DIP2C: variants seen among roughly 807,000 people sequenced by gnomAD.
The protein encoded by DIP2C is DIP2 acetate--CoA ligase C (putative), also known as disco-interacting protein 2 homolog C.
Under a neutral mutation model 192.4 loss-of-function variants are expected in DIP2C, and 33 were observed. The observed-to-expected ratio is 0.17, with a 90% confidence interval of 0.13 to 0.23. The LOEUF (loss-of-function observed/expected upper bound fraction) is 0.23. Among genes scored for constraint, DIP2C ranks in the 10% least tolerant of loss-of-function variants. DIP2C has a pLI of 1.00. For synonymous variants in DIP2C, 979 were observed against 864.1 expected (o/e 1.13, Z -2.33); for missense variants, 1,537 against 2,110.1 (o/e 0.73, Z 5.32).
Position 626,484 on chromosome 10 carries a change from G to A in DIP2C, c.85+63010C>T, listed in dbSNP as rs375312460. ...GTTACCCTCCGTCCCCCGTCCCCGG[G>A]GTTACCCTCCATCCCATCCCTGGTG... is the stretch of plus-strand genomic sequence containing the variant. On this transcript the variant is annotated intron_variant, in intron 1 of 36. Transcript: ENST00000280886. Among the ~76,000 whole-genome samples the A allele has an allele frequency of 5.9e-5, 8 of 135,108 alleles. No homozygotes were observed. The East Asian group carries it at 6.3e-4, about 11-fold the overall frequency. The allele number at this position is 135,108 out of a possible 152,430, so 88.6% of individuals were successfully genotyped here.
intron 3 of DIP2C, among the ~76,000 whole-genome samples, chr10:458,802 C>CCT (rs1436248517): frequency 6.6e-6 from 1 of 152,150 alleles, no homozygotes; most frequent in African/African-American, 2.4e-5. Context: ...AGGAGGATGC[C>CCT]CTCTACATTC....
intron 6 of DIP2C, 37 bp downstream of exon 6, chr10:419,028 T>C (rs1361212945): frequency 6.2e-7 from 1 of 1,613,796 alleles, no homozygotes; most frequent in African/African-American, 1.3e-5. Flanking sequence ...CACAAACCGT[T>C]TACCAGAAAA....
intron 29 of DIP2C, among the ~76,000 whole-genome samples, chr10:331,008 G>C (rs1181884436): frequency 7.4e-6 from 1 of 134,288 alleles, no homozygotes; most frequent in Non-Finnish European, 1.6e-5. Flanking sequence ...TGTAGATACG[G>C]TTTCGTATTG....
chr10:453,996 C>A (rs1392922881), intron 3 of DIP2C, among the ~76,000 whole-genome samples: 3 of 152,214 alleles, frequency 2.0e-5, no homozygotes, highest in African/African-American at 4.8e-5. Context: ...TCACACTTCA[C>A]AAACACAACT....
intron 1 of DIP2C, among the ~76,000 whole-genome samples, chr10:617,540 T>C (rs1853551586): frequency 6.6e-6 from 1 of 152,146 alleles, no homozygotes; most frequent in African/African-American, 2.4e-5. Context: ...ACAGTAGCTG[T>C]GGAGGGTGTG....
intron 1 of DIP2C, among the ~76,000 whole-genome samples, chr10:611,947 T>TA (rs1386620799): frequency 6.6e-6 from 1 of 151,698 alleles, no homozygotes; most frequent in South Asian, 2.1e-4. Context: ...GTAAGCTCTT[T>TA]AATTTCAAGA....
rs144999875 is a variant in DIP2C at position 493,450 on chromosome 10, G to C, written c.86-6920C>G. Reference sequence around the variant, plus strand: ...GTTGTATTTACATTTTTTGGTGTTGGGGGGAGCGAGAAGGGGCAAGGTAGG... The same window carrying C: ...GTTGTATTTACATTTTTTGGTGTTGCGGGGAGCGAGAAGGGGCAAGGTAGG... On this transcript the variant is annotated intron_variant, in intron 1 of 36. Coordinates refer to ENST00000280886, the MANE Select transcript of DIP2C (RefSeq NM_014974.3). Among the ~76,000 whole-genome samples, 405 of 152,274 alleles carry C rather than the reference G, an allele frequency of 2.7e-3. 1 individual carries two copies. The highest frequency in any genetic ancestry group is 9.1e-3 in the African/African-American group (379 of 41,550).
intron 36 of DIP2C, among the ~76,000 whole-genome samples, chr10:278,482 A>G (rs1954642306): frequency 6.6e-6 from 1 of 152,174 alleles, no homozygotes; most frequent in South Asian, 2.1e-4. Context: ...TTGGGTCCGG[A>G]GGATAAGAAA....
At chr10:675,712 C>T (rs916695405) in intron 1 of DIP2C, among the ~76,000 whole-genome samples, 2 of 152,172 alleles carry the variant, frequency 1.3e-5, no homozygotes, top group South Asian at 2.1e-4. Context: ...CCTACCAAGA[C>T]GGAACCAAGA....
At chr10:475,523 G>A (rs556830212) in intron 2 of DIP2C, among the ~76,000 whole-genome samples, 12 of 152,242 alleles carry the variant, frequency 7.9e-5, no homozygotes, top group Non-Finnish European at 8.8e-5. Flanking sequence ...GATGGTGCAC[G>A]GAGTTCCAGG....
intron 4 of DIP2C, chr10:430,376 G>C (rs371428851): frequency 2.0e-5 from 3 of 152,286 alleles, no homozygotes; most frequent in East Asian, 3.9e-4. Context: ...TCGCTGGGTT[G>C]ACGCCGAACT....
intron 2 of DIP2C, among the ~76,000 whole-genome samples, chr10:477,833 A>C (rs949241782): frequency 7.2e-6 from 1 of 138,180 alleles, no homozygotes; most frequent in Non-Finnish European, 1.6e-5. Flanking sequence ...GAGAAGGAGA[A>C]GGGAGAAAGA....
At chr10:486,775 T>A (rs906405719) in intron 1 of DIP2C, among the ~76,000 whole-genome samples, 3 of 152,238 alleles carry the variant, frequency 2.0e-5, no homozygotes, top group Non-Finnish European at 4.4e-5. Context: ...CTTCTGTATT[T>A]ATCCGGATGG....
chr10:457,834 C>T (rs192426670), intron 3 of DIP2C, among the ~76,000 whole-genome samples: 37 of 152,284 alleles, frequency 2.4e-4, no homozygotes, highest in East Asian at 2.3e-3. Flanking sequence ...GCATTACAGG[C>T]GTGAGCCACT....
intron 31 of DIP2C, chr10:311,630 C>G: frequency 1.7e-6 from 2 of 1,197,592 alleles, no homozygotes; most frequent in Non-Finnish European, 2.1e-6. Flanking sequence ...GAAACCAACA[C>G]ACACAACACA....
chr10:676,743 T>A (rs968243580), intron 1 of DIP2C, among the ~76,000 whole-genome samples: 1 of 152,042 alleles, frequency 6.6e-6, no homozygotes, highest in Non-Finnish European at 1.5e-5. Flanking sequence ...AAAATAATAT[T>A]CTACCCTCTG....
rs115052768 is a variant in DIP2C, at chr10:661,580, C to A, written c.85+27914G>T. Among the ~76,000 whole-genome samples the A allele has an allele frequency of 2.7e-3, 416 of 152,322 alleles. 2 individuals carry two copies. Among genetic ancestry groups the A allele is most frequent in the African/African-American group, 9.5e-3 (393 of 41,574 alleles). On this transcript the variant is annotated intron_variant, in intron 1 of 36. Coordinates refer to ENST00000280886, the MANE Select transcript of DIP2C (RefSeq NM_014974.3). ...GGGACTTTGTCCTGGAAACTCTCGG[C>A]TCTGGGCTTTAGGGAACTGCACCGT...
At chr10:327,221 G>C (rs1564561239) in intron 30 of DIP2C, 45 bp from the exon 31 acceptor site, 3 of 1,585,026 alleles carry the variant, frequency 1.9e-6, no homozygotes, top group Non-Finnish European at 2.6e-6. Flanking sequence ...CACGTGTCGA[G>C]CTTGGAGTGA....
chr10:426,791 G>A (rs191737691), intron 4 of DIP2C, among the ~76,000 whole-genome samples: 1 of 151,978 alleles, frequency 6.6e-6, no homozygotes, highest in Non-Finnish European at 1.5e-5. Flanking sequence ...GTGGCAACTG[G>A]GTACCCAACA....
Sources: allele counts gnomAD v4.1 joint callset (sites outside exome capture counted in the v4.1 genomes callset), GRCh38; gene constraint gnomAD v4.1.1; transcripts MANE v1.5; gene names NCBI Gene and HGNC (gene_info 2026-07-23, HGNC 2026-07-21).